Variants in TTC29 observed in about 807,000 individuals in gnomAD.
TTC29 encodes tetratricopeptide repeat protein 29.
A neutral mutation model predicts 58.1 loss-of-function variants in TTC29; 49 were observed. The observed-to-expected ratio is 0.84, with a 90% CI of 0.67 to 1.07. TTC29 has a LOEUF of 1.07. TTC29 is among the 50% of genes least tolerant of loss of function. The pLI, the probability that TTC29 is intolerant of heterozygous loss-of-function variation, is 0.00. For missense variants in TTC29, 582 were observed against 555.6 expected, an observed-to-expected ratio of 1.05 and a Z score of -0.48; for synonymous variants, 209 against 196.8, an observed-to-expected ratio of 1.06 and a Z score of -0.52.
intron 4 of TTC29, among the ~76,000 whole-genome samples, chr4:146,912,649 A>T (rs1733971848): frequency 6.6e-6 from 1 of 152,136 alleles, no homozygotes; most frequent in African/African-American, 2.4e-5. Context: ...AAGTTATAAA[A>T]AAATAAAGAC....
intron 11 of TTC29, among the ~76,000 whole-genome samples, chr4:146,715,689 G>C (rs1561053893): frequency 6.6e-6 from 1 of 152,036 alleles, no homozygotes; most frequent in African/African-American, 2.4e-5. Context: ...AATGAAGTCT[G>C]GTGTTCTGTA....
chr4:146,944,749 GCT>G (rs1471179035), intron 2 of TTC29, among the ~76,000 whole-genome samples: 5 of 151,992 alleles, frequency 3.3e-5, no homozygotes, highest in East Asian at 3.9e-4. Context: ...TATTATCCAA[GCT>G]CTTTTACTAT....
chr4:146,832,880 G>A (rs2150156860), intron 9 of TTC29, among the ~76,000 whole-genome samples: 1 of 152,088 alleles, frequency 6.6e-6, no homozygotes, highest in South Asian at 2.1e-4. Flanking sequence ...TAATTTCATT[G>A]GTACTGATAT....
intron 9 of TTC29, among the ~76,000 whole-genome samples, chr4:146,832,596 C>T (rs72958242): frequency 0.046 from 6,987 of 152,078 alleles, 237 homozygotes; most frequent in East Asian, 0.14. Context: ...CTCAGCCTCC[C>T]GAGTAGCTGG....
chr4:146,925,276 T>C (rs1734850993), intron 4 of TTC29, among the ~76,000 whole-genome samples: 1 of 152,054 alleles, frequency 6.6e-6, no homozygotes, highest in Non-Finnish European at 1.5e-5. Context: ...TTCTACCAGC[T>C]ATTGAAAGAG....
chr4:146,710,033 G>A (rs1479885644), intron 11 of TTC29, among the ~76,000 whole-genome samples: 1 of 152,100 alleles, frequency 6.6e-6, no homozygotes, highest in Non-Finnish European at 1.5e-5. Flanking sequence ...TTCCCTATCA[G>A]TAGAGAACTA....
chr4:146,940,452 C>T (rs1298854487), intron 2 of TTC29, among the ~76,000 whole-genome samples: 1 of 152,190 alleles, frequency 6.6e-6, no homozygotes, highest in East Asian at 1.9e-4. Context: ...TGAATCACTT[C>T]AAAATGTACT....
At chr4:146,923,519 T>C (rs1429935649) in intron 4 of TTC29, among the ~76,000 whole-genome samples, 2 of 151,790 alleles carry the variant, frequency 1.3e-5, no homozygotes, top group Admixed American at 1.3e-4. Context: ...AAAAAAAAGT[T>C]TCTTTATCTT....
chr4:146,848,810 C>T (rs1579823161), intron 8 of TTC29, among the ~76,000 whole-genome samples: 1 of 152,302 alleles, frequency 6.6e-6, no homozygotes, highest in East Asian at 1.9e-4. Flanking sequence ...TGTACCTGTC[C>T]CCAGGACTGC....
chr4:146,813,420 T>C (rs66506205), intron 10 of TTC29, among the ~76,000 whole-genome samples: 6,997 of 152,288 alleles, frequency 0.046, 235 homozygotes, highest in East Asian at 0.14. Context: ...GTCCATTTTC[T>C]ATGATTACAT....
At chr4:146,892,452 A>C (rs998698217) in intron 6 of TTC29, among the ~76,000 whole-genome samples, 1 of 152,224 alleles carries the variant, frequency 6.6e-6, no homozygotes, top group African/African-American at 2.4e-5. Context: ...CTCTCAATAG[A>C]TGCAGAAAAG....
At chr4:146,901,183 C>T (rs527958213) in intron 6 of TTC29, among the ~76,000 whole-genome samples, 1 of 152,024 alleles carries the variant, frequency 6.6e-6, no homozygotes, top group East Asian at 1.9e-4. Context: ...AAAATTAAAA[C>T]TTGACTTTTA....
At chr4:146,939,507 T>C (rs1484980494) in intron 3 of TTC29, among the ~76,000 whole-genome samples, 1 of 152,102 alleles carries the variant, frequency 6.6e-6, no homozygotes, top group East Asian at 1.9e-4. Flanking sequence ...CTTTCTGTTC[T>C]CCATACACAT....
chr4:146,759,704 A>C (rs1209518610), intron 11 of TTC29, among the ~76,000 whole-genome samples: 2 of 152,186 alleles, frequency 1.3e-5, no homozygotes, highest in South Asian at 2.1e-4. Context: ...ATTTCAATAG[A>C]TGCAGAAAAA....
At chr4:146,710,726 T>C (rs1410486831) in intron 11 of TTC29, among the ~76,000 whole-genome samples, 2 of 152,112 alleles carry the variant, frequency 1.3e-5, no homozygotes, top group African/African-American at 4.8e-5. Context: ...TGAAGTGTGA[T>C]ATTTGCTTAT....
At chr4:146,884,814 TTTTG>T (rs57941552) in intron 6 of TTC29, among the ~76,000 whole-genome samples, 2,477 of 152,180 alleles carry the variant, frequency 0.016, 68 homozygotes, top group African/African-American at 0.055. Context: ...TGCTGGAGTT[TTTTG>T]TTTGTTTGTG....
rs567670854 is a variant in TTC29 at position 146,750,036 on chromosome 4, T to G, written c.1331-42485A>C. On this transcript the variant is annotated intron_variant, in intron 11 of 12. Coordinates refer to ENST00000325106, the MANE Select transcript of TTC29 (RefSeq NM_031956.4). ...CCTGCTTTTTTTTTGAGATGGAGTCTCACTCTGTCGCCCTACATTGGAGTA... is the reference window on the plus strand; with the variant it reads ...CCTGCTTTTTTTTTGAGATGGAGTCGCACTCTGTCGCCCTACATTGGAGTA... Among the ~76,000 whole-genome samples the G allele has an allele frequency of 3.9e-5, 6 of 152,246 alleles. No homozygotes were observed. The South Asian group carries it at 8.3e-4, about 21-fold the overall frequency.
chr4:146,756,691 A>G (rs1404196689), intron 11 of TTC29, among the ~76,000 whole-genome samples: 1 of 151,432 alleles, frequency 6.6e-6, no homozygotes, highest in Non-Finnish European at 1.5e-5. Context: ...ATTTAACATA[A>G]TCCCAGACTT....
At chr4:146,825,651 T>C (rs1727740075) in intron 9 of TTC29, among the ~76,000 whole-genome samples, 1 of 152,212 alleles carries the variant, frequency 6.6e-6, no homozygotes, top group African/African-American at 2.4e-5. Flanking sequence ...AAGTCCTGAA[T>C]ATTCTTGTTA....
Sources: gnomAD v4.1 joint callset for allele counts (sites outside exome capture counted in the v4.1 genomes callset) on GRCh38, gnomAD v4.1.1 for gene constraint, MANE v1.5 for transcripts, NCBI Gene and HGNC (gene_info 2026-07-23, HGNC 2026-07-21) for gene names.